DLG1: variants seen among roughly 807,000 people sequenced by gnomAD.
The protein encoded by DLG1 is discs large MAGUK scaffold protein 1.
DLG1 carries 42 observed loss-of-function variants against 123.4 expected under a neutral mutation model. The ratio of observed to expected loss-of-function variants is 0.34; its 90% CI spans 0.27 to 0.44. The LOEUF is 0.44. Ranked by LOEUF, DLG1 falls within the 20% of genes least tolerant of loss-of-function variation. The probability of loss-of-function intolerance (pLI) is 1.00; values close to 1 mark genes in which losing one functional copy is unlikely to be tolerated. For synonymous variants in DLG1, 317 were observed against 356.2 expected, an observed-to-expected ratio of 0.89 and a Z score of 1.24; for missense variants, 942 against 1,082.6, an observed-to-expected ratio of 0.87 and a Z score of 1.82.
chr3:197,181,683 AAAAC>A (rs1035413038), intron 5 of DLG1, among the ~76,000 whole-genome samples: 4 of 152,224 alleles, frequency 2.6e-5, no homozygotes, highest in African/African-American at 9.6e-5. Context: ...TATAAAATGA[AAAAC>A]AAAATGTTGG....
At chr3:197,112,759 T>A in intron 13 of DLG1, among the ~76,000 whole-genome samples, 1 of 151,942 alleles carries the variant, frequency 6.6e-6, no homozygotes, top group Middle Eastern at 3.4e-3. Flanking sequence ...TCTGGCTAAT[T>A]AAAAAAAAAT....
rs143332467 is a variant in DLG1 at position 197,291,405 on chromosome 3, T to A, written c.151+4941A>T. Among the ~76,000 whole-genome samples the A allele has an allele frequency of 4.3e-3, 657 of 151,834 alleles. 3 individuals are homozygous for A. Among genetic ancestry groups the A allele is most frequent in the Non-Finnish European group, 6.0e-3 (408 of 67,974 alleles). Reference sequence around the variant, plus strand: ...TATAATGCAAAAGAAATTTAAGAAATTTTGACATTTTACCACTATAGCTGG... The same window carrying A: ...TATAATGCAAAAGAAATTTAAGAAAATTTGACATTTTACCACTATAGCTGG... On this transcript the variant is annotated intron_variant, in intron 3 of 24. Transcript: ENST00000667157.
chr3:197,198,995 G>A (rs1342352107), intron 4 of DLG1, among the ~76,000 whole-genome samples: 1 of 152,100 alleles, frequency 6.6e-6, no homozygotes, highest in Non-Finnish European at 1.5e-5. Flanking sequence ...GTGGTGGTAG[G>A]TGCACAACTC....
intron 16 of DLG1, among the ~76,000 whole-genome samples, chr3:197,082,478 C>T (rs1268808403): frequency 1.3e-5 from 2 of 152,154 alleles, no homozygotes; most frequent in Non-Finnish European, 2.9e-5. Flanking sequence ...TACTTATCAA[C>T]AGCACCACAA....
At chr3:197,146,245 T>G (rs544213772) in intron 6 of DLG1, among the ~76,000 whole-genome samples, 8 of 152,090 alleles carry the variant, frequency 5.3e-5, no homozygotes, top group Non-Finnish European at 1.0e-4. Context: ...ATCTACAAAT[T>G]CAATGCAATT....
intron 1 of DLG1, chr3:197,298,029 C>T: frequency 1.4e-6 from 1 of 718,910 alleles, no homozygotes; most frequent in Non-Finnish European, 1.7e-6. Flanking sequence ...CCCCCCGGCC[C>T]GCTCGCCCAG....
At chr3:197,132,492 G>A (rs552101541) in intron 10 of DLG1, among the ~76,000 whole-genome samples, 3 of 152,250 alleles carry the variant, frequency 2.0e-5, no homozygotes, top group Non-Finnish European at 4.4e-5. Context: ...GATTAACATT[G>A]CTTTGCAGAG....
At chr3:197,281,119 C>A (rs907894692) in intron 4 of DLG1, among the ~76,000 whole-genome samples, 12 of 150,982 alleles carry the variant, frequency 7.9e-5, no homozygotes, top group African/African-American at 2.9e-4. Flanking sequence ...CTCGCTGCAA[C>A]CTCCGCCTCC....
At chr3:197,120,273 G>GAAAAAA (rs3050713) in intron 11 of DLG1, among the ~76,000 whole-genome samples, 18 of 127,570 alleles carry the variant, frequency 1.4e-4, no homozygotes, top group East Asian at 4.6e-4. Flanking sequence ...TCTCGAGAAA[G>GAAAAAA]AAAAAAAAAA....
chr3:197,110,298 CA>C (rs1470795438), intron 13 of DLG1, among the ~76,000 whole-genome samples: 1 of 152,170 alleles, frequency 6.6e-6, no homozygotes, highest in African/African-American at 2.4e-5. Context: ...GAGAATTTTT[CA>C]TTTAAGTTAC....
intron 4 of DLG1, among the ~76,000 whole-genome samples, chr3:197,196,960 G>A (rs534878202): frequency 8.5e-5 from 13 of 152,232 alleles, no homozygotes; most frequent in South Asian, 4.1e-4. Flanking sequence ...ATGAATGTAC[G>A]TATGTAATTT....
At chr3:197,068,066 G>C (rs1253547037) in intron 19 of DLG1, among the ~76,000 whole-genome samples, 1 of 152,058 alleles carries the variant, frequency 6.6e-6, no homozygotes, top group Non-Finnish European at 1.5e-5. Flanking sequence ...TGTAGCTGTA[G>C]GTCTTTTAAA....
At chr3:197,249,681 A>G (rs961117282) in intron 4 of DLG1, among the ~76,000 whole-genome samples, 1 of 152,242 alleles carries the variant, frequency 6.6e-6, no homozygotes, top group Non-Finnish European at 1.5e-5. Context: ...ATATTAGCAA[A>G]CCAGATTCAA....
intron 5 of DLG1, among the ~76,000 whole-genome samples, chr3:197,184,514 T>C (rs1577702865): frequency 6.6e-6 from 1 of 152,222 alleles, no homozygotes; most frequent in African/African-American, 2.4e-5. Flanking sequence ...TATCTAACGA[T>C]AGCGCTTCAT....
chr3:197,238,591 G>C (rs945581354), intron 4 of DLG1, among the ~76,000 whole-genome samples: 11 of 152,154 alleles, frequency 7.2e-5, no homozygotes, highest in African/African-American at 2.7e-4. Flanking sequence ...ACACCATACA[G>C]AATGTCAATC....
chr3:197,148,431 A>G lies in DLG1; in HGVS notation c.537+1312T>C, dbSNP rs536869905. 4.6e-3 allele frequency among the ~76,000 whole-genome samples: 683 copies of G among 149,602 alleles called. 7 individuals are homozygous for G. The highest frequency in any genetic ancestry group is 0.016 in the African/African-American group (630 of 40,494). On this transcript the variant is annotated intron_variant, in intron 6 of 24. Transcript: ENST00000667157. ...CTCAAGAAAAAAAAAAAAAAAAAAA[A>G]AGAGAGAGAATACATAGAAGTGAAT...
At chr3:197,163,414 A>G (rs1277219432) in intron 5 of DLG1, among the ~76,000 whole-genome samples, 1 of 152,302 alleles carries the variant, frequency 6.6e-6, no homozygotes, top group East Asian at 1.9e-4. Context: ...CTTGTATGCC[A>G]ATGTTCAATG....
chr3:197,079,665 A>T (rs1431504094), intron 17 of DLG1, among the ~76,000 whole-genome samples: 2 of 152,246 alleles, frequency 1.3e-5, no homozygotes, highest in Non-Finnish European at 2.9e-5. Context: ...GCATTAAAAA[A>T]TTCACATTTT....
At chr3:197,064,396 T>A (rs1738099912) in intron 22 of DLG1, among the ~76,000 whole-genome samples, 2 of 152,236 alleles carry the variant, frequency 1.3e-5, no homozygotes, top group African/African-American at 4.8e-5. Context: ...TTTCACCATG[T>A]TGGCCAGGCT....
Sources: gnomAD v4.1 joint callset for allele counts (sites outside exome capture counted in the v4.1 genomes callset) on GRCh38, gnomAD v4.1.1 for gene constraint, MANE v1.5 for transcripts, NCBI Gene and HGNC (gene_info 2026-07-23, HGNC 2026-07-21) for gene names.